Variants in FAM199X observed in about 807,000 individuals in gnomAD.
FAM199X encodes the protein family with sequence similarity 199, X-linked.
FAM199X carries 4 observed loss-of-function variants against 22.9 expected under a neutral mutation model. The ratio of observed to expected loss-of-function variants is 0.17; its 90% confidence interval spans 0.09 to 0.40. The LOEUF (loss-of-function observed/expected upper bound fraction) is 0.40. FAM199X is among the 10% of genes least tolerant of loss of function. The pLI, the probability that FAM199X is intolerant of heterozygous loss-of-function variation, is 1.00. For synonymous variants in FAM199X, 101 were observed against 112.3 expected (o/e 0.90, Z 0.64); for missense variants, 183 against 306.8 (o/e 0.60, Z 3.01).
At chrX:104,174,546 T>C (rs1032308111) in intron 1 of FAM199X, among the ~76,000 whole-genome samples, 1 of 111,329 alleles carries the variant, frequency 9.0e-6, no homozygotes. Context: ...TAAATAATTA[T>C]AAACAATGCT....
the FAM199X span, among the ~76,000 whole-genome samples, chrX:104,158,300 C>T: frequency 8.9e-6 from 1 of 111,763 alleles, no homozygotes; most frequent in Non-Finnish European, 1.9e-5. Context: ...TGAAGGCTGG[C>T]AGCCAAGGAG....
At chrX:104,172,552 A>G (rs941445715) in intron 1 of FAM199X, among the ~76,000 whole-genome samples, 1 of 112,036 alleles carries the variant, frequency 8.9e-6, no homozygotes, top group Non-Finnish European at 1.9e-5. Context: ...ACAAAAGACA[A>G]AGACTTCTAA....
intron 2 of FAM199X, among the ~76,000 whole-genome samples, chrX:104,185,572 A>G (rs1921780229): frequency 8.9e-6 from 1 of 112,259 alleles, no homozygotes; most frequent in Non-Finnish European, 1.9e-5. Flanking sequence ...ATGGATCAGA[A>G]TTAATGTCCT....
chrX:104,174,624 A>C (rs1556376051), intron 1 of FAM199X, among the ~76,000 whole-genome samples: 1 of 110,629 alleles, frequency 9.0e-6, no homozygotes, highest in Non-Finnish European at 1.9e-5. Flanking sequence ...AATAAAGTTA[A>C]ATAAATTATG....
chrX:104,179,976 C>CTTTT (rs1162038054), intron 2 of FAM199X, among the ~76,000 whole-genome samples: 35 of 86,107 alleles, frequency 4.1e-4, no homozygotes, highest in African/African-American at 1.5e-3. Flanking sequence ...TGAATTTTTC[C>CTTTT]TTTTTTTTTT....
intron 1 of FAM199X, among the ~76,000 whole-genome samples, chrX:104,169,670 C>A (rs956362591): frequency 1.7e-4 from 19 of 111,667 alleles, no homozygotes; most frequent in Non-Finnish European, 1.9e-5. Context: ...TGGGTTCGAG[C>A]GATTCTCCTG....
chrX:104,186,806 A>G (rs1044043724), intron 4 of FAM199X, among the ~76,000 whole-genome samples, 185 bp downstream of exon 4: 5 of 112,002 alleles, frequency 4.5e-5, no homozygotes, highest in Non-Finnish European at 7.5e-5. Flanking sequence ...ACCTGCCAGT[A>G]CCTTTCTGGG....
In FAM199X at chrX:104,189,928, C is replaced by T. The variant is rs1921895524; in HGVS notation, c.*150C>T. On this transcript the variant is annotated 3_prime_UTR_variant, in exon 6 of 6. Transcript: ENST00000493442. Reference sequence around the variant, plus strand: ...GGTTCTTGGCAGGTGATCCCAAGACCTGCAGCTTCAGCATCACTTGAGAAG... The same window carrying T: ...GGTTCTTGGCAGGTGATCCCAAGACTTGCAGCTTCAGCATCACTTGAGAAG... 2 of 513,771 alleles carry T rather than the reference C, an allele frequency of 3.9e-6. No individual in the cohort carries two copies. The highest frequency in any genetic ancestry group is 2.4e-5 in the African/African-American group (1 of 42,485). 42.3% of individuals were successfully genotyped at this position (513,771 alleles called of 1,213,427 possible).
In FAM199X at chrX:104,166,855, C is replaced by T. The variant is rs782666525; in HGVS notation, c.70C>T (p.Leu24=). The T allele has an allele frequency of 2.8e-5, 34 of 1,206,175 alleles. No homozygotes were observed. In the East Asian group the frequency reaches 1.0e-3, roughly 36 times the overall value. The change falls in exon 1 of 6, where the codon CTG becomes TTG. Residue 24 remains leucine (L), a synonymous_variant. Transcript: ENST00000493442. ...AACCCCCGAGGAGCCCTTCCCACTC[C>T]TGGGACCTCCTCGCGGGGTGGGCAC... is the stretch of plus-strand genomic sequence containing the variant. ...FLTPEEPFPL[L]GPPRGVGTCP... is the part of the protein sequence containing the mutation.
Position 104,195,543 on chromosome X carries a change from G to T in FAM199X, c.*5765G>T, listed in dbSNP as rs1556381451. ...CTGGGCAGTAGGTCTAATTTTTTTTGACAAAAAATAGATCTATTTTCCTTA... is the reference window on the plus strand; with the variant it reads ...CTGGGCAGTAGGTCTAATTTTTTTTTACAAAAAATAGATCTATTTTCCTTA... On this transcript the variant is annotated 3_prime_UTR_variant, in exon 6 of 6. Coordinates refer to ENST00000493442, the MANE Select transcript of FAM199X (RefSeq NM_207318.4). 2.7e-5 allele frequency: 3 copies of T among 110,345 alleles called. No homozygotes were observed. Among genetic ancestry groups the T allele is most frequent in the Non-Finnish European group, 5.7e-5 (3 of 52,713 alleles). 9.1% of individuals were successfully genotyped at this position (110,345 alleles called of 1,213,427 possible). A position where few individuals can be genotyped will look rare whatever the true frequency, so the allele number is the denominator to read the frequency against.
At chrX:104,175,303 C>T (rs1163722376) in intron 1 of FAM199X, among the ~76,000 whole-genome samples, 1 of 111,873 alleles carries the variant, frequency 8.9e-6, no homozygotes, top group Non-Finnish European at 1.9e-5. Context: ...CAAAAATTTT[C>T]AGACAGCTAC....
At position 104,191,041 on chromosome X, in the gene FAM199X, A is replaced by T. The variant is rs1301474832; in HGVS notation, c.*1263A>T. ...TGGAAACTGATACTACTGACAATCA[A>T]GCTGCTTTCTGACTTTCATAATTTT... On this transcript the variant is annotated 3_prime_UTR_variant, in exon 6 of 6. Transcript: ENST00000493442. 1 of 112,162 alleles carries T rather than the reference A, an allele frequency of 8.9e-6. No individual in the cohort carries two copies. Among genetic ancestry groups the T allele is most frequent in the Non-Finnish European group, 1.9e-5 (1 of 53,184 alleles). The allele number at this position is 112,162 out of a possible 1,213,427, so 9.2% of individuals were successfully genotyped here.
intron 2 of FAM199X, among the ~76,000 whole-genome samples, chrX:104,178,816 G>A (rs1357024984): frequency 8.9e-6 from 1 of 111,794 alleles, no homozygotes; most frequent in East Asian, 2.8e-4. Flanking sequence ...AAATTGAGAT[G>A]TGTTAGTTCT....
chrX:104,165,635 T>C (rs782559732), upstream of FAM199X, among the ~76,000 whole-genome samples: 30 of 111,770 alleles, frequency 2.7e-4, no homozygotes, highest in Non-Finnish European at 5.1e-4. Context: ...TGGGGTTTCC[T>C]CTATTTTTTT....
At chrX:104,182,589 A>G (rs1556378160) in intron 2 of FAM199X, among the ~76,000 whole-genome samples, 1 of 111,826 alleles carries the variant, frequency 8.9e-6, no homozygotes. Flanking sequence ...TGATTAAATG[A>G]TACGATATCT....
Position 104,193,513 on chromosome X carries a change from C to T in FAM199X, c.*3735C>T, listed in dbSNP as rs1388229751. The T allele has an allele frequency of 2.7e-5, 3 of 112,071 alleles. No individual in the cohort carries two copies. The highest frequency in any genetic ancestry group is 5.7e-5 in the Non-Finnish European group (3 of 53,069). The allele number at this position is 112,071 out of a possible 1,213,427, so 9.2% of individuals were successfully genotyped here. On this transcript the variant is annotated 3_prime_UTR_variant, in exon 6 of 6. Coordinates refer to ENST00000493442, the MANE Select transcript of FAM199X (RefSeq NM_207318.4). ...TCATTTGTGTAATAGCTGGAACACA[C>T]TCCTCTTCTTTCCTTTAACAAATGA... is the stretch of plus-strand genomic sequence containing the variant.
chrX:104,166,769 C>A lies in FAM199X; in HGVS notation c.-17C>A. On this transcript the variant is annotated 5_prime_UTR_variant, in exon 1 of 6. Coordinates refer to ENST00000493442, the MANE Select transcript of FAM199X (RefSeq NM_207318.4). ...CCCAGGGCCAGAGAGGGAGCCCGAG[C>A]CAGGCCATCTCCAACCATGTCCGAC... The A allele has an allele frequency of 1.7e-6, 2 of 1,193,837 alleles. No individual in the cohort carries two copies. Among genetic ancestry groups the A allele is most frequent in the South Asian group, 1.8e-5 (1 of 55,052 alleles).
chrX:104,187,943 G>A lies in FAM199X; in HGVS notation c.730-97G>A, dbSNP rs7052087. The A allele has an allele frequency of 8.1e-3, 8,383 of 1,039,112 alleles. 382 individuals carry two copies. The African/African-American group carries it at 0.14, about 17-fold the overall frequency. 85.6% of individuals were successfully genotyped at this position (1,039,112 alleles called of 1,213,427 possible). ...GTATGCATCTGCAGCACTTTTGACA[G>A]TCTTTTAGATTAAGTACAATATTAT... On this transcript the variant is annotated intron_variant, in intron 4 of 5. Coordinates refer to ENST00000493442, the MANE Select transcript of FAM199X (RefSeq NM_207318.4).
At chrX:104,176,080 AATATTACCATTATTAT>A (rs1185970320) in intron 2 of FAM199X, among the ~76,000 whole-genome samples, 1 of 111,527 alleles carries the variant, frequency 9.0e-6, no homozygotes, top group African/African-American at 3.3e-5. Context: ...ATACTTGCGT[AATATTACCATTATTAT>A]ATATTATCGG....
Sources: gnomAD v4.1 joint callset for allele counts (sites outside exome capture counted in the v4.1 genomes callset) on GRCh38, gnomAD v4.1.1 for gene constraint, MANE v1.5 for transcripts, NCBI Gene and HGNC (gene_info 2026-07-23, HGNC 2026-07-21) for gene names.